SCD5: variants seen among roughly 807,000 people sequenced by gnomAD.
SCD5 encodes stearoyl-CoA desaturase 5, also known as acyl-CoA-desaturase 4.
Under a neutral mutation model 30.4 loss-of-function variants are expected in SCD5, and 20 were observed. The ratio of observed to expected loss-of-function variants is 0.66; its 90% CI spans 0.46 to 0.96. The LOEUF (loss-of-function observed/expected upper bound fraction) is 0.96, where lower values mean the gene tolerates loss of function less well. Among genes scored for constraint, SCD5 ranks in the 40% least tolerant of loss-of-function variants. The pLI is 0.00. For synonymous variants in SCD5, 173 were observed against 176.4 expected (o/e 0.98, Z 0.16); for missense variants, 381 against 443.3 (o/e 0.86, Z 1.26).
chr4:82,654,053 G>C (rs1434002763), intron 3 of SCD5, among the ~76,000 whole-genome samples: 1 of 152,030 alleles, frequency 6.6e-6, no homozygotes, highest in African/African-American at 2.4e-5. Flanking sequence ...AAGTAGCTGG[G>C]ATTACAGGTG....
chr4:82,736,339 T>C (rs1028149100), intron 1 of SCD5, among the ~76,000 whole-genome samples: 1 of 151,952 alleles, frequency 6.6e-6, no homozygotes, highest in Non-Finnish European at 1.5e-5. Context: ...CCAGGCGCAG[T>C]GGCTCACATC....
At chr4:82,704,998 A>C (rs1476670824) in intron 2 of SCD5, among the ~76,000 whole-genome samples, 1 of 152,256 alleles carries the variant, frequency 6.6e-6, no homozygotes, top group African/African-American at 2.4e-5. Context: ...AGGGCTGGAC[A>C]AATGTTGAGG....
At chr4:82,741,117 T>C (rs1409800841) in intron 1 of SCD5, among the ~76,000 whole-genome samples, 1 of 120,640 alleles carries the variant, frequency 8.3e-6, no homozygotes, top group African/African-American at 2.9e-5. Flanking sequence ...TTTTTTTTTT[T>C]TCGTAGAGAC....
At chr4:82,783,320 G>T (rs889185398) in intron 1 of SCD5, among the ~76,000 whole-genome samples, 47 of 152,246 alleles carry the variant, frequency 3.1e-4, no homozygotes, top group African/African-American at 1.1e-3. Flanking sequence ...AATGACCTCT[G>T]CCAATACTTG....
At chr4:82,712,805 TATCTC>T (rs1192821283) in intron 1 of SCD5, among the ~76,000 whole-genome samples, 3 of 152,188 alleles carry the variant, frequency 2.0e-5, no homozygotes, top group African/African-American at 7.2e-5. Flanking sequence ...TACGGCTACT[TATCTC>T]ATGGAATAGC....
intron 3 of SCD5, among the ~76,000 whole-genome samples, chr4:82,671,086 G>A (rs1428188039): frequency 6.6e-6 from 1 of 152,074 alleles, no homozygotes; most frequent in East Asian, 1.9e-4. Context: ...GAAGGTAGGA[G>A]TACCTATATT....
At chr4:82,703,019 GA>G (rs1375286984) in intron 2 of SCD5, among the ~76,000 whole-genome samples, 1 of 152,156 alleles carries the variant, frequency 6.6e-6, no homozygotes, top group Non-Finnish European at 1.5e-5. Context: ...CCAGGTCCAT[GA>G]AACACTGAAA....
chr4:82,631,604 ATGTGCAGGACATGGTGT>A, intron 4 of SCD5, 87 bp from the exon 5 acceptor site: 1 of 1,423,844 alleles, frequency 7.0e-7, no homozygotes, highest in Non-Finnish European at 9.6e-7. Context: ...AGGGTTTACC[ATGTGCAGGACATGGTGT>A]CAGCCTCTGT....
At chr4:82,712,920 A>G (rs1053577353) in intron 1 of SCD5, among the ~76,000 whole-genome samples, 1 of 152,242 alleles carries the variant, frequency 6.6e-6, no homozygotes, top group Non-Finnish European at 1.5e-5. Context: ...TACTATTTCA[A>G]CAATTCTTTC....
In SCD5 at chr4:82,679,220, AAAAGAAAGAAAGAAAG is replaced by A. The variant is rs796703848; in HGVS notation, c.569+1471_569+1486del. Among the ~76,000 whole-genome samples the A allele has an allele frequency of 2.2e-4, 7 of 32,224 alleles. No individual in the cohort carries two copies. The Admixed American group carries it at 2.3e-3, about 11-fold the overall frequency. 21.1% of individuals were successfully genotyped at this position (32,224 alleles called of 152,430 possible). ...TCTCCAAAAAAAAAAAAAAAGAAAG[AAAAGAAAGAAAGAAAG>A]AAAGAAAGAAAGAAAGAAAGAAAGA... On this transcript the variant is annotated intron_variant, in intron 3 of 4. Coordinates refer to ENST00000319540, the MANE Select transcript of SCD5 (RefSeq NM_001037582.3).
At chr4:82,744,557 T>C (rs1285990839) in intron 1 of SCD5, among the ~76,000 whole-genome samples, 1 of 152,206 alleles carries the variant, frequency 6.6e-6, no homozygotes, top group East Asian at 1.9e-4. Flanking sequence ...TCATGCTGGC[T>C]GCCTGCCTAA....
intron 1 of SCD5, among the ~76,000 whole-genome samples, chr4:82,784,953 A>G (rs1034537332): frequency 2.0e-5 from 3 of 152,172 alleles, no homozygotes; most frequent in African/African-American, 7.2e-5. Context: ...CTATTTCAAC[A>G]TTTTAACAAC....
chr4:82,697,424 C>T (rs1719719368), intron 2 of SCD5, among the ~76,000 whole-genome samples: 1 of 152,208 alleles, frequency 6.6e-6, no homozygotes, highest in Non-Finnish European at 1.5e-5. Flanking sequence ...AGAGTTCCCA[C>T]CGTATCTGGA....
At chr4:82,698,643 T>C (rs1009269511) in intron 2 of SCD5, among the ~76,000 whole-genome samples, 4 of 152,158 alleles carry the variant, frequency 2.6e-5, no homozygotes, top group Non-Finnish European at 4.4e-5. Flanking sequence ...TGCACTCACA[T>C]GGACCAGCCA....
chr4:82,718,047 C>A, intron 1 of SCD5, among the ~76,000 whole-genome samples: 1 of 144,718 alleles, frequency 6.9e-6, no homozygotes. Flanking sequence ...ATCATCTGAA[C>A]TGAGTAGTTA....
At chr4:82,699,928 G>A (rs1719781415) in intron 2 of SCD5, among the ~76,000 whole-genome samples, 1 of 151,774 alleles carries the variant, frequency 6.6e-6, no homozygotes, top group Non-Finnish European at 1.5e-5. Context: ...CCAAAGTGCT[G>A]GGATTATAGG....
At chr4:82,648,799 T>C (rs1380209619) in intron 3 of SCD5, among the ~76,000 whole-genome samples, 1 of 152,148 alleles carries the variant, frequency 6.6e-6, no homozygotes, top group South Asian at 2.1e-4. Flanking sequence ...ATTCAATTTG[T>C]GTGTAAATCA....
At chr4:82,755,091 C>G (rs1431831525) in intron 1 of SCD5, among the ~76,000 whole-genome samples, 4 of 133,190 alleles carry the variant, frequency 3.0e-5, no homozygotes, top group Admixed American at 2.7e-4. Context: ...ATAGCCAGAC[C>G]AAACTATGCA....
intron 4 of SCD5, among the ~76,000 whole-genome samples, chr4:82,634,487 C>CG (rs1390459023): frequency 7.8e-6 from 1 of 127,754 alleles, no homozygotes; most frequent in Non-Finnish European, 1.8e-5. Flanking sequence ...ACACCACCTC[C>CG]CCCCCCCATC....
Sources: allele counts gnomAD v4.1 joint callset (sites outside exome capture counted in the v4.1 genomes callset), GRCh38; gene constraint gnomAD v4.1.1; transcripts MANE v1.5; gene names NCBI Gene and HGNC (gene_info 2026-07-23, HGNC 2026-07-21).